The following PRKAR2B variants were observed in gnomAD, a reference collection of about 807,000 sequenced individuals.
The protein encoded by PRKAR2B is cAMP-dependent protein kinase type II-beta regulatory subunit.
PRKAR2B carries 14 observed loss-of-function variants against 49.9 expected under a neutral mutation model. That is an observed-to-expected ratio of 0.28 (90% CI 0.19 to 0.44). PRKAR2B has a LOEUF of 0.44. Ranked by LOEUF, PRKAR2B falls within the 20% of genes least tolerant of loss-of-function variation. The probability of loss-of-function intolerance (pLI) is 1.00; values close to 1 mark genes in which losing one functional copy is unlikely to be tolerated. For missense variants in PRKAR2B, 393 were observed against 537.9 expected (o/e 0.73, Z 2.67); for synonymous variants, 196 against 197.7 (o/e 0.99, Z 0.07).
chr7:107,095,180 G>C (rs371333215), intron 2 of PRKAR2B, among the ~76,000 whole-genome samples: 7 of 151,958 alleles, frequency 4.6e-5, no homozygotes, highest in African/African-American at 7.3e-5. Context: ...CTTTTATTTC[G>C]TTGAGCAGTG....
rs546099025 is a variant in PRKAR2B at position 107,125,616 on chromosome 7, A to G, written c.397-2596A>G. On this transcript the variant is annotated intron_variant, in intron 3 of 10. Transcript: ENST00000265717. ...CAGAGGAGCTGGAGTGTCAGAGACC[A>G]CACCCGCTTTCTGGCTGTTTACTTT... Among the ~76,000 whole-genome samples, 6 of 152,262 alleles carry G rather than the reference A, an allele frequency of 3.9e-5. No homozygotes were observed. The South Asian group carries it at 1.0e-3, about 26-fold the overall frequency.
chr7:107,125,466 TAAA>T (rs1795465281), intron 3 of PRKAR2B, among the ~76,000 whole-genome samples: 1 of 152,240 alleles, frequency 6.6e-6, no homozygotes, highest in African/African-American at 2.4e-5. Flanking sequence ...TCTAGTACAC[TAAA>T]ATCACACTTT....
chr7:107,128,077 C>T, intron 3 of PRKAR2B, 135 bp from the exon 4 acceptor site: 2 of 629,072 alleles, frequency 3.2e-6, no homozygotes, highest in Non-Finnish European at 5.6e-6. Context: ...AATCTCAGCA[C>T]CAACCTGAAG....
intron 7 of PRKAR2B, among the ~76,000 whole-genome samples, chr7:107,151,767 T>G (rs982847873): frequency 6.6e-6 from 1 of 152,116 alleles, no homozygotes; most frequent in South Asian, 2.1e-4. Context: ...GCGTTGTGGC[T>G]CTCTGCCTGG....
intron 1 of PRKAR2B, among the ~76,000 whole-genome samples, chr7:107,060,468 C>T (rs965165674): frequency 6.6e-6 from 1 of 152,140 alleles, no homozygotes; most frequent in African/African-American, 2.4e-5. Context: ...AATTTGTTTT[C>T]CTCTTATTGC....
At chr7:107,157,402 A>G in intron 10 of PRKAR2B, 78 bp downstream of exon 10, 2 of 1,467,716 alleles carry the variant, frequency 1.4e-6, no homozygotes, top group South Asian at 2.7e-5. Flanking sequence ...TGAGTGAATC[A>G]TTTTATTGGG....
intron 4 of PRKAR2B, among the ~76,000 whole-genome samples, chr7:107,139,730 T>G (rs755092219): frequency 2.0e-5 from 3 of 152,234 alleles, no homozygotes; most frequent in Non-Finnish European, 4.4e-5. Context: ...TATTGTAGAT[T>G]CATATCTTCA....
chr7:107,107,952 G>A (rs1011946580), intron 2 of PRKAR2B, among the ~76,000 whole-genome samples: 3 of 151,992 alleles, frequency 2.0e-5, no homozygotes, highest in African/African-American at 4.8e-5. Context: ...TGCTGTGCCC[G>A]GCCAAGAGAT....
intron 2 of PRKAR2B, among the ~76,000 whole-genome samples, chr7:107,092,831 T>C (rs1860804): frequency 0.089 from 13,566 of 152,228 alleles, 654 homozygotes; most frequent in Middle Eastern, 0.16. Context: ...CAGAACTGTT[T>C]AATCTTCACA....
intron 2 of PRKAR2B, among the ~76,000 whole-genome samples, chr7:107,082,543 T>G (rs1373756503): frequency 6.6e-6 from 1 of 152,216 alleles, no homozygotes; most frequent in Non-Finnish European, 1.5e-5. Flanking sequence ...ACATAGACAA[T>G]TAATTAGAAG....
intron 2 of PRKAR2B, among the ~76,000 whole-genome samples, chr7:107,114,870 A>C (rs559131124): frequency 5.9e-5 from 9 of 152,268 alleles, no homozygotes; most frequent in African/African-American, 1.9e-4. Context: ...GTAAAGGAAA[A>C]TCTTTTTAGA....
At chr7:107,080,540 G>A (rs1218254420) in intron 2 of PRKAR2B, among the ~76,000 whole-genome samples, 1 of 152,198 alleles carries the variant, frequency 6.6e-6, no homozygotes, top group Non-Finnish European at 1.5e-5. Flanking sequence ...AAGGCATGGG[G>A]AGATGAAATT....
intron 2 of PRKAR2B, among the ~76,000 whole-genome samples, chr7:107,116,386 G>A (rs1795273441): frequency 6.6e-6 from 1 of 151,952 alleles, no homozygotes; most frequent in Non-Finnish European, 1.5e-5. Context: ...CGTCATTGTG[G>A]CACTGATGTT....
intron 2 of PRKAR2B, among the ~76,000 whole-genome samples, chr7:107,107,074 C>T (rs142856155): frequency 2.4e-4 from 37 of 152,332 alleles, no homozygotes; most frequent in South Asian, 8.3e-4. Flanking sequence ...CGGTGGCTCA[C>T]GCCTGTAATC....
rs1471181925 is a variant in PRKAR2B, at chr7:107,089,127, C to T, written c.343+18811C>T. Among the ~76,000 whole-genome samples the T allele has an allele frequency of 5.3e-5, 8 of 152,118 alleles. No homozygotes were observed. The East Asian group carries it at 1.5e-3, about 29-fold the overall frequency. On this transcript the variant is annotated intron_variant, in intron 2 of 10. Coordinates refer to ENST00000265717, the MANE Select transcript of PRKAR2B (RefSeq NM_002736.3). Reference sequence around the variant, plus strand: ...GAGGTTTCAGTGAGCCAAGATTTGCCACTGCACTCCAGCCTGGGAAACAGA... The same window carrying T: ...GAGGTTTCAGTGAGCCAAGATTTGCTACTGCACTCCAGCCTGGGAAACAGA...
chr7:107,122,239 G>A (rs1273390359), intron 3 of PRKAR2B, among the ~76,000 whole-genome samples: 1 of 152,090 alleles, frequency 6.6e-6, no homozygotes, highest in Non-Finnish European at 1.5e-5. Flanking sequence ...GTGATGAAAA[G>A]TGTTTTCAGC....
At chr7:107,153,805 T>A (rs932056079) in intron 8 of PRKAR2B, among the ~76,000 whole-genome samples, 6 of 152,250 alleles carry the variant, frequency 3.9e-5, no homozygotes. Context: ...TTGTGAAGAC[T>A]GTTGAAGTTC....
At chr7:107,121,778 A>G (rs541451207) in intron 2 of PRKAR2B, among the ~76,000 whole-genome samples, 174 bp from the exon 3 acceptor site, 1 of 152,286 alleles carries the variant, frequency 6.6e-6, no homozygotes, top group South Asian at 2.1e-4. Flanking sequence ...TAAGTAAATT[A>G]TAAATTGCAA....
chr7:107,073,669 C>T (rs1794331149), intron 2 of PRKAR2B, among the ~76,000 whole-genome samples: 1 of 152,144 alleles, frequency 6.6e-6, no homozygotes, highest in South Asian at 2.1e-4. Flanking sequence ...TAAACAGTAC[C>T]TCATGGTCCC....
Sources: gnomAD v4.1 joint callset for allele counts (sites outside exome capture counted in the v4.1 genomes callset) on GRCh38, gnomAD v4.1.1 for gene constraint, MANE v1.5 for transcripts, NCBI Gene and HGNC (gene_info 2026-07-23, HGNC 2026-07-21) for gene names.